Variants in DDX54 observed in about 807,000 individuals in gnomAD.
DDX54 encodes the protein ATP-dependent RNA helicase DDX54.
DDX54 carries 67 observed loss-of-function variants against 105.5 expected under a neutral mutation model. The observed-to-expected ratio is 0.64, with a 90% CI of 0.52 to 0.78. The LOEUF (loss-of-function observed/expected upper bound fraction) is 0.78, where lower values mean the gene tolerates loss of function less well. Among genes scored for constraint, DDX54 ranks in the 30% least tolerant of loss-of-function variants. DDX54 has a pLI of 0.00. For synonymous variants in DDX54, 514 were observed against 509.9 expected, an observed-to-expected ratio of 1.01 and a Z score of -0.11; for missense variants, 1,206 against 1,230.5, an observed-to-expected ratio of 0.98 and a Z score of 0.30.
Position 113,161,209 on chromosome 12 carries a change from C to T in DDX54, c.2413+61G>A, listed in dbSNP as rs1417688386. The T allele has an allele frequency of 3.5e-6, 5 of 1,418,100 alleles. No individual in the cohort carries two copies. In the African/African-American group the frequency reaches 7.1e-5, roughly 20 times the overall value. 87.8% of individuals were successfully genotyped at this position (1,418,100 alleles called of 1,614,324 possible). A position where few individuals can be genotyped will look rare whatever the true frequency, so the allele number is the denominator to read the frequency against. ...CCTGCACCTGTGCCTCAGCGTTACC[C>T]TAATCTGACCACAACTGCTCTGCCT... On this transcript the variant is annotated intron_variant, in intron 19 of 19. Coordinates refer to ENST00000306014, the MANE Select transcript of DDX54 (RefSeq NM_024072.4).
intron 1 of DDX54, among the ~76,000 whole-genome samples, chr12:113,182,313 G>A (rs950452905): frequency 6.6e-6 from 1 of 152,150 alleles, no homozygotes; most frequent in Non-Finnish European, 1.5e-5. Flanking sequence ...GCAGAGCCAT[G>A]GCCTGTCTTG....
rs1592999008 is a variant in DDX54, at chr12:113,164,130, G to A, written c.1875C>T (p.Arg625=). Residue 625 remains arginine, a synonymous_variant, in exon 15 of 20, where the codon CGC becomes CGT. Coordinates refer to ENST00000306014, the MANE Select transcript of DDX54 (RefSeq NM_024072.4). ...CAGGCTGCTTCTCCTGCAGTGCTGG[G>A]CGGCTCGGGGCTGGGCCCACTGGGC... The part of the protein sequence containing the change: ...QEGPVGPAPS[R]PALQEKQPEK... 9.0e-6 allele frequency: 14 copies of A among 1,552,348 alleles called. No individual in the cohort carries two copies. The highest frequency in any genetic ancestry group is 1.2e-5 in the Non-Finnish European group (14 of 1,148,246).
At position 113,179,921 on chromosome 12, in the gene DDX54, G is replaced by A. The variant is rs371024295; in HGVS notation, c.375+14C>T. On this transcript the variant is annotated intron_variant, in intron 3 of 19. Coordinates refer to ENST00000306014, the MANE Select transcript of DDX54 (RefSeq NM_024072.4). ...CCTCCCTCGCCCTCACCCGTCGACCGCCCCACCCCTCACCTTCCTCTGGAT... is the reference window on the plus strand; with the variant it reads ...CCTCCCTCGCCCTCACCCGTCGACCACCCCACCCCTCACCTTCCTCTGGAT... 15 of 1,613,986 alleles carry A rather than the reference G, an allele frequency of 9.3e-6. No homozygotes were observed. The highest frequency in any genetic ancestry group is 8.0e-5 in the African/African-American group (6 of 74,996).
Position 113,185,462 on chromosome 12 carries a change from C to A in DDX54, c.-11G>T, listed in dbSNP as rs1420476031. ...CTTGTCGGCCGCCATTCGGGCCGCG[C>A]GCTGGGAACGCAGAAGGGGGCGTGG... On this transcript the variant is annotated 5_prime_UTR_variant, in exon 1 of 20. Coordinates refer to ENST00000306014, the MANE Select transcript of DDX54 (RefSeq NM_024072.4). 2 of 1,487,950 alleles carry A rather than the reference C, an allele frequency of 1.3e-6. No individual in the cohort carries two copies. Among genetic ancestry groups the A allele is most frequent in the Non-Finnish European group, 1.8e-6 (2 of 1,122,730 alleles). The allele number at this position is 1,487,950 out of a possible 1,614,324, so 92.2% of individuals were successfully genotyped here. A position where few individuals can be genotyped will look rare whatever the true frequency, so the allele number is the denominator to read the frequency against.
intron 7 of DDX54, 158 bp downstream of exon 7, chr12:113,176,682 C>A (rs1004040781): frequency 2.9e-6 from 2 of 685,486 alleles, no homozygotes; most frequent in Non-Finnish European, 4.9e-6. Context: ...TGAGCTCCAG[C>A]ACCGCTTATG....
At chr12:113,169,930 A>G (rs755979835) in intron 11 of DDX54, 26 bp from the exon 12 acceptor site, 1 of 1,613,260 alleles carries the variant, frequency 6.2e-7, no homozygotes, top group African/African-American at 1.3e-5. Context: ...GTTCAAGCTT[A>G]ATTAAGCAAA....
At chr12:113,171,355 A>G (rs1952337089) in intron 11 of DDX54, among the ~76,000 whole-genome samples, 1 of 152,122 alleles carries the variant, frequency 6.6e-6, no homozygotes, top group Non-Finnish European at 1.5e-5. Flanking sequence ...TAATCACAGC[A>G]CTTTGGGAGG....
rs897483427 is a variant in DDX54 at position 113,181,728 on chromosome 12, C to A, written c.175-670G>T. Among the ~76,000 whole-genome samples, 4 of 150,464 alleles carry A rather than the reference C, an allele frequency of 2.7e-5. No individual in the cohort carries two copies. The East Asian group carries it at 6.0e-4, about 23-fold the overall frequency. ...GCCGCCAACCAATCTCCTTTCTGAT[C>A]TCTGGTCTGTCTCATGCCTGGCCTC... On this transcript the variant is annotated intron_variant, in intron 1 of 19. Coordinates refer to ENST00000306014, the MANE Select transcript of DDX54 (RefSeq NM_024072.4).
At chr12:113,170,932 T>C (rs991469175) in intron 11 of DDX54, among the ~76,000 whole-genome samples, 2 of 152,222 alleles carry the variant, frequency 1.3e-5, no homozygotes, top group Non-Finnish European at 2.9e-5. Flanking sequence ...CCCAATATGA[T>C]TGCAATTTTG....
At chr12:113,165,214 T>C (rs1023984222) in intron 14 of DDX54, among the ~76,000 whole-genome samples, 2 of 152,308 alleles carry the variant, frequency 1.3e-5, no homozygotes, top group Non-Finnish European at 1.5e-5. Flanking sequence ...AGTAGGTCTT[T>C]CCTTTTGTGC....
chr12:113,176,637 CA>C (rs1374580081), intron 7 of DDX54, among the ~76,000 whole-genome samples: 1 of 152,164 alleles, frequency 6.6e-6, no homozygotes, highest in African/African-American at 2.4e-5. Flanking sequence ...TCCTGAAATG[CA>C]AAATTATAAA....
At chr12:113,172,770 G>A (rs1386573593) in intron 10 of DDX54, among the ~76,000 whole-genome samples, 1 of 152,230 alleles carries the variant, frequency 6.6e-6, no homozygotes, top group Non-Finnish European at 1.5e-5. Flanking sequence ...CCTCTCTGCA[G>A]GGTTGTCTGA....
rs1269180631 is a variant in DDX54, at chr12:113,178,950, C to A, written c.614+27G>T. 5 of 1,613,276 alleles carry A rather than the reference C, an allele frequency of 3.1e-6. No homozygotes were observed. In the East Asian group the frequency reaches 1.1e-4, roughly 36 times the overall value. On this transcript the variant is annotated intron_variant, in intron 5 of 19. Transcript: ENST00000306014. ...CAGAGATGTGCCTGCATGGTGGTGA[C>A]CCTGGCATGGGGTGCAGGGACCTTA...
In DDX54 at chr12:113,163,061, G is replaced by A. The variant is rs761490088; in HGVS notation, c.2082-16C>T. On this transcript the variant is annotated splice_polypyrimidine_tract_variant and intron_variant, in intron 16 of 19. Coordinates refer to ENST00000306014, the MANE Select transcript of DDX54 (RefSeq NM_024072.4). The surrounding 1 kb of genome is among the most constrained non-coding windows in gnomAD (Gnocchi z 5.9). ...GATGCTCAGGCTGCAGAGGGAGAGT[G>A]GGAGACATAATTGGATTGATGGGAC... The A allele has an allele frequency of 5.6e-6, 9 of 1,608,834 alleles. No homozygotes were observed. In the Admixed American group the frequency reaches 6.7e-5, roughly 12 times the overall value.
Position 113,165,645 on chromosome 12 carries a change from G to A in DDX54, c.1718C>T (p.Ala573Val), listed in dbSNP as rs146948767. 39 of 1,607,110 alleles carry A rather than the reference G, an allele frequency of 2.4e-5. No homozygotes were observed. The highest frequency in any genetic ancestry group is 3.4e-4 in the Middle Eastern group (2 of 5,908). Reference protein sequence around the residue: ...VDSIKNYRSRATIFEINASSR... With the variant: ...VDSIKNYRSRVTIFEINASSR... ...TGGTCTCCACCCGGCCCCACTCACC[G>A]CCCGGGAGCGGTAGTTCTTTATGCT... The change falls in exon 14 of 20, where the codon GCG becomes GTG. Residue 573 changes from alanine to valine, a missense_variant and splice_region_variant. Transcript: ENST00000306014.
chr12:113,164,133 G>A lies in DDX54; in HGVS notation c.1872C>T (p.Ser624=). 1 of 1,552,564 alleles carries A rather than the reference G, an allele frequency of 6.4e-7. No individual in the cohort carries two copies. The highest frequency in any genetic ancestry group is 1.2e-5 in the South Asian group (1 of 84,310). Residue 624 remains serine (S), a synonymous_variant, in exon 15 of 20, where the codon AGC becomes AGT. Coordinates refer to ENST00000306014, the MANE Select transcript of DDX54 (RefSeq NM_024072.4). ...QQEGPVGPAP[S]RPALQEKQPE... is the part of the protein sequence containing the mutation. Reference sequence around the variant, plus strand: ...GCTGCTTCTCCTGCAGTGCTGGGCGGCTCGGGGCTGGGCCCACTGGGCCCT... The same window carrying A: ...GCTGCTTCTCCTGCAGTGCTGGGCGACTCGGGGCTGGGCCCACTGGGCCCT...
intron 17 of DDX54, 117 bp from the exon 18 acceptor site, chr12:113,162,114 A>G (rs1952215735): frequency 3.2e-6 from 3 of 927,724 alleles, no homozygotes; most frequent in Admixed American, 3.7e-5. Flanking sequence ...GCATTAAAGG[A>G]AAGCAGTGCA....
intron 10 of DDX54, 110 bp from the exon 11 acceptor site, chr12:113,172,673 G>T: frequency 7.4e-7 from 1 of 1,342,726 alleles, no homozygotes; most frequent in South Asian, 1.3e-5. Context: ...CAAGACCACG[G>T]GTTCTGGAGT....
rs1443736324 is a variant in DDX54, at chr12:113,163,054, G to C, written c.2082-9C>G. On this transcript the variant is annotated splice_polypyrimidine_tract_variant and intron_variant, in intron 16 of 19. Coordinates refer to ENST00000306014, the MANE Select transcript of DDX54 (RefSeq NM_024072.4). The surrounding 1 kb of genome is among the most constrained non-coding windows in gnomAD (Gnocchi z 5.9). Reference sequence around the variant, plus strand: ...CCCCGCTGATGCTCAGGCTGCAGAGGGAGAGTGGGAGACATAATTGGATTG... The same window carrying C: ...CCCCGCTGATGCTCAGGCTGCAGAGCGAGAGTGGGAGACATAATTGGATTG... 6.2e-7 allele frequency: 1 copy of C among 1,608,646 alleles called. No homozygotes were observed. The highest frequency in any genetic ancestry group is 8.5e-7 in the Non-Finnish European group (1 of 1,178,754).
Sources: allele counts gnomAD v4.1 joint callset (sites outside exome capture counted in the v4.1 genomes callset), GRCh38; gene constraint gnomAD v4.1.1; non-coding constraint Gnocchi (gnomAD v3.1); transcripts MANE v1.5; gene names NCBI Gene and HGNC (gene_info 2026-07-23, HGNC 2026-07-21).